AGPAT5: variants seen among roughly 807,000 people sequenced by gnomAD.
AGPAT5 encodes the protein 1-acylglycerol-3-phosphate O-acyltransferase 5.
Under a neutral mutation model 45.6 loss-of-function variants are expected in AGPAT5, and 46 were observed. The observed-to-expected ratio is 1.01, with a 90% CI of 0.80 to 1.29. The LOEUF is 1.29. Ranked by LOEUF, AGPAT5 falls within the 50% of genes most tolerant of loss-of-function variation. The pLI is 0.00. For synonymous variants in AGPAT5, 272 were observed against 167.0 expected, an observed-to-expected ratio of 1.63 and a Z score of -4.85; for missense variants, 673 against 450.7, an observed-to-expected ratio of 1.49 and a Z score of -4.47.
chr8:6,717,013 T>G (rs1800356079), intron 1 of AGPAT5, among the ~76,000 whole-genome samples: 1 of 152,178 alleles, frequency 6.6e-6, no homozygotes, highest in Non-Finnish European at 1.5e-5. Context: ...TGAGTCCGAT[T>G]CATTCTTTCC....
chr8:6,726,298 C>T (rs1263532093), intron 2 of AGPAT5, among the ~76,000 whole-genome samples: 1 of 152,212 alleles, frequency 6.6e-6, no homozygotes, highest in Admixed American at 6.5e-5. Flanking sequence ...GGGCCCAGTA[C>T]AGGGAATGGC....
At chr8:6,751,439 C>T (rs1801651538) in intron 6 of AGPAT5, among the ~76,000 whole-genome samples, 1 of 152,190 alleles carries the variant, frequency 6.6e-6, no homozygotes, top group Non-Finnish European at 1.5e-5. Flanking sequence ...CACGTTGCTA[C>T]CAGGACGCTC....
At chr8:6,712,115 T>C (rs1273400552) in intron 1 of AGPAT5, among the ~76,000 whole-genome samples, 1 of 152,214 alleles carries the variant, frequency 6.6e-6, no homozygotes, top group Admixed American at 6.5e-5. Flanking sequence ...GCCTTATTTC[T>C]TTAGGTATTT....
At chr8:6,730,248 A>C (rs1217106535) in intron 2 of AGPAT5, among the ~76,000 whole-genome samples, 2 of 151,734 alleles carry the variant, frequency 1.3e-5, no homozygotes, top group Non-Finnish European at 1.5e-5. Context: ...AAGCTCAAAA[A>C]ACAGAAAATG....
intron 5 of AGPAT5, 90 bp downstream of exon 5, chr8:6,741,841 C>T: frequency 9.9e-7 from 1 of 1,013,586 alleles, no homozygotes; most frequent in Middle Eastern, 2.1e-4. Flanking sequence ...TTTTGTTTTA[C>T]AGTTGAAGGA....
intron 4 of AGPAT5, among the ~76,000 whole-genome samples, chr8:6,735,197 C>T (rs555036729): frequency 2.0e-5 from 3 of 152,218 alleles, no homozygotes; most frequent in South Asian, 2.1e-4. Flanking sequence ...AGTATTCATC[C>T]GTGCCCCATG....
At chr8:6,748,972 A>C (rs1176705883) in intron 6 of AGPAT5, among the ~76,000 whole-genome samples, 2 of 152,222 alleles carry the variant, frequency 1.3e-5, no homozygotes, top group Non-Finnish European at 2.9e-5. Flanking sequence ...ACTACAACAA[A>C]ACATTTATAA....
intron 3 of AGPAT5, among the ~76,000 whole-genome samples, chr8:6,731,633 G>C (rs1245317591): frequency 1.3e-5 from 2 of 151,696 alleles, no homozygotes; most frequent in Non-Finnish European, 2.9e-5. Context: ...TAAAATGAAA[G>C]AGCAAAAATG....
intron 4 of AGPAT5, among the ~76,000 whole-genome samples, chr8:6,734,440 C>G (rs1056651732): frequency 6.6e-6 from 1 of 152,104 alleles, no homozygotes; most frequent in Non-Finnish European, 1.5e-5. Context: ...CCTCACATTT[C>G]CCTTTGACCC....
rs1802016096 is a variant in AGPAT5, at chr8:6,760,838, G to C, written c.*3450G>C. ...CATTAGAATCAAAATTAGTACTTTG[G>C]TCAAAATATTTACAACATTCACATA... On this transcript the variant is annotated 3_prime_UTR_variant, in exon 8 of 8. Transcript: ENST00000285518. 6.6e-6 allele frequency among the ~76,000 whole-genome samples: 1 copy of C among 152,206 alleles called. No homozygotes were observed. Among genetic ancestry groups the C allele is most frequent in the East Asian group, 1.9e-4 (1 of 5,188 alleles).
chr8:6,744,021 A>T (rs909936879), intron 5 of AGPAT5, among the ~76,000 whole-genome samples: 1 of 152,138 alleles, frequency 6.6e-6, no homozygotes, highest in African/African-American at 2.4e-5. Context: ...TGTAGACTTA[A>T]CTGAATAAAA....
In AGPAT5 at chr8:6,757,178, TTA is replaced by T. The variant is rs1342634518; in HGVS notation, c.887_888del (p.Tyr296Ter). 2 of 1,613,460 alleles carry T rather than the reference TTA, an allele frequency of 1.2e-6. No individual in the cohort carries two copies. Among genetic ancestry groups the T allele is most frequent in the East Asian group, 2.2e-5 (1 of 44,894 alleles). ...CTGGCCATAGGATGCTTATAGAATT[TTA>T]TGAGTCACCAGATCCAGAAAGAAGA... Reference protein sequence around the residue: ...EIKDKMLIEFYESPDPERRKR... With the variant: ...EIKDKMLIEFXESPDPERRKR... On this transcript the variant is annotated frameshift_variant, in exon 8 of 8. Transcript: ENST00000285518. LOFTEE classifies it high-confidence loss of function.
At chr8:6,729,273 G>C (rs999823558) in intron 2 of AGPAT5, among the ~76,000 whole-genome samples, 1 of 151,730 alleles carries the variant, frequency 6.6e-6, no homozygotes, top group Non-Finnish European at 1.5e-5. Context: ...CTTGTAATCT[G>C]TGGAAAACTG....
intron 6 of AGPAT5, among the ~76,000 whole-genome samples, chr8:6,749,872 A>G (rs1407788172): frequency 2.0e-5 from 3 of 152,190 alleles, no homozygotes; most frequent in East Asian, 1.9e-4. Flanking sequence ...AGCAGAGCTC[A>G]TGGGTAAGGC....
chr8:6,739,928 C>T (rs1801186892), intron 4 of AGPAT5, among the ~76,000 whole-genome samples: 4 of 151,954 alleles, frequency 2.6e-5, no homozygotes, highest in Non-Finnish European at 5.9e-5. Flanking sequence ...TTCATCACAC[C>T]TTGTTCTTTT....
At chr8:6,713,974 T>A (rs544265806) in intron 1 of AGPAT5, among the ~76,000 whole-genome samples, 1 of 152,368 alleles carries the variant, frequency 6.6e-6, no homozygotes, top group East Asian at 1.9e-4. Flanking sequence ...ATGAGTTAAA[T>A]TTATATTCTG....
At chr8:6,721,807 C>T (rs1023363860) in intron 1 of AGPAT5, among the ~76,000 whole-genome samples, 1 of 151,974 alleles carries the variant, frequency 6.6e-6, no homozygotes, top group South Asian at 2.1e-4. Context: ...ATTTTTTTGA[C>T]GTTAGTATTT....
At chr8:6,711,590 C>T (rs368148351) in intron 1 of AGPAT5, among the ~76,000 whole-genome samples, 1 of 152,180 alleles carries the variant, frequency 6.6e-6, no homozygotes, top group Non-Finnish European at 1.5e-5. Flanking sequence ...ATTCAAGTAC[C>T]TGTGTTACTT....
intron 1 of AGPAT5, among the ~76,000 whole-genome samples, chr8:6,712,439 A>T (rs1355363790): frequency 6.6e-6 from 1 of 152,124 alleles, no homozygotes; most frequent in Non-Finnish European, 1.5e-5. Flanking sequence ...CTTCTAAGAC[A>T]ATTAATTATG....
Sources: allele counts gnomAD v4.1 joint callset (sites outside exome capture counted in the v4.1 genomes callset), GRCh38; gene constraint gnomAD v4.1.1; transcripts MANE v1.5; gene names NCBI Gene and HGNC (gene_info 2026-07-23, HGNC 2026-07-21).